PPP2R3A: variants seen among roughly 807,000 people sequenced by gnomAD.
PPP2R3A encodes the protein protein phosphatase 2 regulatory subunit B''alpha, also known as serine/threonine-protein phosphatase 2A regulatory subunit B'' subunit alpha.
A neutral mutation model predicts 106.9 loss-of-function variants in PPP2R3A; 80 were observed. That is an observed-to-expected ratio of 0.75 (90% CI 0.62 to 0.90). PPP2R3A has a LOEUF of 0.90. Ranked by LOEUF, PPP2R3A falls within the 40% of genes least tolerant of loss-of-function variation. PPP2R3A has a pLI of 0.00. For missense variants in PPP2R3A, 1,386 were observed against 1,350.4 expected, an observed-to-expected ratio of 1.03 and a Z score of -0.41; for synonymous variants, 483 against 468.3, an observed-to-expected ratio of 1.03 and a Z score of -0.41.
At chr3:136,068,834 T>G (rs1235976006) in intron 5 of PPP2R3A, among the ~76,000 whole-genome samples, 3 of 151,722 alleles carry the variant, frequency 2.0e-5, no homozygotes, top group African/African-American at 7.3e-5. Context: ...CATCACCAAA[T>G]GAAGACATAC....
In PPP2R3A at chr3:136,070,536, C is replaced by T. The variant is rs1415876462; in HGVS notation, c.2528C>T (p.Ser843Phe). 5 of 1,610,366 alleles carry T rather than the reference C, an allele frequency of 3.1e-6. No individual in the cohort carries two copies. In the African/African-American group the frequency reaches 6.7e-5, roughly 22 times the overall value. The change falls in exon 6 of 14, where the codon TCC becomes TTC. Residue 843 changes from serine to phenylalanine, a missense_variant. Ser to Phe is a radical substitution (Grantham distance 155, BLOSUM62 -2). Coordinates refer to ENST00000264977, the MANE Select transcript of PPP2R3A (RefSeq NM_002718.5). ...CTGAAAGATGCTCCAGAATTCCACTCCCGCTACATCACCACGGTAGGCTGA... is the reference window on the plus strand; with the variant it reads ...CTGAAAGATGCTCCAGAATTCCACTTCCGCTACATCACCACGGTAGGCTGA... ...TFLKDAPEFH[S>F]RYITTVIQRI...
chr3:135,996,095 G>T (rs1258279591), intron 1 of PPP2R3A, among the ~76,000 whole-genome samples: 1 of 152,078 alleles, frequency 6.6e-6, no homozygotes, highest in Non-Finnish European at 1.5e-5. Flanking sequence ...AGTTCTGCCT[G>T]ACCAATAGGG....
chr3:136,108,493 T>G (rs552692369), intron 13 of PPP2R3A, among the ~76,000 whole-genome samples: 1 of 152,278 alleles, frequency 6.6e-6, no homozygotes, highest in South Asian at 2.1e-4. Flanking sequence ...GGGATCTTAT[T>G]TATGTGTTTT....
chr3:136,144,941 G>A, intron 13 of PPP2R3A, 102 bp from the exon 14 acceptor site: 1 of 1,342,158 alleles, frequency 7.5e-7, no homozygotes, highest in Non-Finnish European at 1.0e-6. Flanking sequence ...GCAATTCAAG[G>A]TACCTTTGTG....
At chr3:136,030,761 C>CT (rs1934842457) in intron 3 of PPP2R3A, among the ~76,000 whole-genome samples, 1 of 100,350 alleles carries the variant, frequency 1.0e-5, no homozygotes, top group African/African-American at 4.4e-5. Flanking sequence ...TATTCCATCA[C>CT]ATATATATAT....
chr3:136,013,904 A>G (rs1435975130), intron 2 of PPP2R3A, among the ~76,000 whole-genome samples: 1 of 152,120 alleles, frequency 6.6e-6, no homozygotes, highest in Non-Finnish European at 1.5e-5. Context: ...TTGGTCATGA[A>G]GTCTTCACCT....
chr3:136,016,455 C>T (rs1934270804), intron 2 of PPP2R3A, among the ~76,000 whole-genome samples: 1 of 152,156 alleles, frequency 6.6e-6, no homozygotes, highest in Middle Eastern at 3.4e-3. Flanking sequence ...TATCTGTCTC[C>T]TTTCTTAGGT....
chr3:136,147,576 C>T lies in PPP2R3A; in HGVS notation c.*2410C>T, dbSNP rs1008806571. On this transcript the variant is annotated 3_prime_UTR_variant, in exon 14 of 14. Transcript: ENST00000264977. ...GGTAAAGATCATGGTTAAGTATAAT[C>T]ATTACTGCCAAACTGGAATTTTCAA... is the stretch of plus-strand genomic sequence containing the variant. The T allele has an allele frequency of 2.6e-5, 4 of 152,554 alleles. No homozygotes were observed. The highest frequency in any genetic ancestry group is 5.9e-5 in the Non-Finnish European group (4 of 68,036). 9.5% of individuals were successfully genotyped at this position (152,554 alleles called of 1,614,324 possible).
chr3:136,090,396 G>T (rs1937066070), intron 9 of PPP2R3A, among the ~76,000 whole-genome samples, 182 bp from the exon 10 acceptor site: 1 of 152,094 alleles, frequency 6.6e-6, no homozygotes, highest in African/African-American at 2.4e-5. Context: ...AATGCCTTCT[G>T]GTTTCACCCT....
intron 13 of PPP2R3A, among the ~76,000 whole-genome samples, chr3:136,127,467 A>G (rs1202403394): frequency 2.0e-5 from 3 of 152,210 alleles, no homozygotes; most frequent in Admixed American, 2.0e-4. Flanking sequence ...TAGAGAAAAA[A>G]GAGTAAAAAG....
At chr3:136,131,272 C>CA (rs913492080) in intron 13 of PPP2R3A, among the ~76,000 whole-genome samples, 10 of 152,122 alleles carry the variant, frequency 6.6e-5, no homozygotes, top group African/African-American at 2.4e-4. Context: ...ACCCACCTGA[C>CA]AAAGGGCTAA....
Position 136,102,138 on chromosome 3 carries a change from AT to A in PPP2R3A, c.3062del (p.Leu1021TyrfsTer8). On this transcript the variant is annotated frameshift_variant, in exon 11 of 14. Coordinates refer to ENST00000264977, the MANE Select transcript of PPP2R3A (RefSeq NM_002718.5). LOFTEE classifies it high-confidence loss of function. ...GGAATTGAGCCCTTGCCATTCCATG[AT>A]TTACTGTGCCAGATGCTTGACCTAG... ...AMGIEPLPFHDLLCQMLDLVK... is the reference protein window; with the variant it reads ...AMGIEPLPFHXLLCQMLDLVK... 6.2e-7 allele frequency: 1 copy of A among 1,613,696 alleles called. No individual in the cohort carries two copies. The highest frequency in any genetic ancestry group is 8.5e-7 in the Non-Finnish European group (1 of 1,179,974).
Position 136,002,012 on chromosome 3 carries a change from C to A in PPP2R3A, c.514C>A (p.Pro172Thr). ...CCATTATAACAACGATGGGAACGCC[C>A]CATCCTTTGGTTTACTGCGGAGTTC... is the stretch of plus-strand genomic sequence containing the variant. ...CGHYNNDGNAPSFGLLRSSSV... is the reference protein window; with the variant it reads ...CGHYNNDGNATSFGLLRSSSV... The change falls in exon 2 of 14, where the codon CCA becomes ACA. Residue 172 changes from proline to threonine, a missense_variant. Coordinates refer to ENST00000264977, the MANE Select transcript of PPP2R3A (RefSeq NM_002718.5). 1 of 1,614,072 alleles carries A rather than the reference C, an allele frequency of 6.2e-7. No homozygotes were observed. Among genetic ancestry groups the A allele is most frequent in the Non-Finnish European group, 8.5e-7 (1 of 1,180,002 alleles).
chr3:135,992,466 G>A (rs1445234934), intron 1 of PPP2R3A, among the ~76,000 whole-genome samples: 2 of 152,046 alleles, frequency 1.3e-5, no homozygotes, highest in Non-Finnish European at 2.9e-5. Flanking sequence ...ATAAGCAGTG[G>A]AATTTCTTTA....
At chr3:136,004,554 G>A (rs538123793) in intron 2 of PPP2R3A, among the ~76,000 whole-genome samples, 2 of 152,180 alleles carry the variant, frequency 1.3e-5, no homozygotes, top group South Asian at 4.1e-4. Context: ...TATTTGTTAA[G>A]CACTGCCCCT....
At chr3:136,047,250 A>G (rs928020815) in intron 4 of PPP2R3A, among the ~76,000 whole-genome samples, 3 of 152,240 alleles carry the variant, frequency 2.0e-5, no homozygotes, top group Non-Finnish European at 4.4e-5. Flanking sequence ...AGATTTCTCA[A>G]AGAACAGAGT....
intron 13 of PPP2R3A, among the ~76,000 whole-genome samples, chr3:136,136,377 T>G (rs1384782622): frequency 6.6e-6 from 1 of 152,176 alleles, no homozygotes; most frequent in Non-Finnish European, 1.5e-5. Flanking sequence ...TAGAGTTTAT[T>G]CAGCTGTAAC....
intron 5 of PPP2R3A, among the ~76,000 whole-genome samples, chr3:136,067,375 G>A (rs1382014789): frequency 1.3e-5 from 2 of 152,142 alleles, no homozygotes; most frequent in African/African-American, 2.4e-5. Context: ...GGCAACAAAC[G>A]AGTGATTCAT....
chr3:136,043,810 T>C (rs1173805654), intron 4 of PPP2R3A, among the ~76,000 whole-genome samples: 1 of 152,228 alleles, frequency 6.6e-6, no homozygotes, highest in Non-Finnish European at 1.5e-5. Flanking sequence ...GTCCTAAAAG[T>C]TCTGAAAGAT....
Sources: allele counts gnomAD v4.1 joint callset (sites outside exome capture counted in the v4.1 genomes callset), GRCh38; gene constraint gnomAD v4.1.1; transcripts MANE v1.5; gene names NCBI Gene and HGNC (gene_info 2026-07-23, HGNC 2026-07-21).